The following ZFPM2 variants were observed in gnomAD, a reference collection of about 807,000 sequenced individuals.
ZFPM2 encodes the protein zinc finger protein ZFPM2.
In ZFPM2, 20 loss-of-function variants were observed where a neutral mutation model predicts 98.6. The ratio of observed to expected loss-of-function variants is 0.20; its 90% CI spans 0.14 to 0.29. The LOEUF is 0.29. ZFPM2 is among the 10% of genes least tolerant of loss of function. The pLI is 1.00. For synonymous variants in ZFPM2, 518 were observed against 502.7 expected (o/e 1.03, Z -0.41); for missense variants, 1,310 against 1,388.6 (o/e 0.94, Z 0.90).
At chr8:105,363,068 A>G (rs1472758905) in intron 1 of ZFPM2, among the ~76,000 whole-genome samples, 1 of 152,140 alleles carries the variant, frequency 6.6e-6, no homozygotes, top group African/African-American at 2.4e-5. Context: ...TCAAGAATGA[A>G]CGTGTATCCC....
chr8:105,729,615 A>C (rs1233974083), intron 5 of ZFPM2, among the ~76,000 whole-genome samples: 3 of 151,676 alleles, frequency 2.0e-5, no homozygotes, highest in Non-Finnish European at 4.4e-5. Flanking sequence ...CATTGCAAAC[A>C]AATCTTTTGA....
chr8:105,594,732 C>T (rs1815931605), intron 4 of ZFPM2, among the ~76,000 whole-genome samples: 1 of 152,082 alleles, frequency 6.6e-6, no homozygotes, highest in Non-Finnish European at 1.5e-5. Context: ...TATACTACCT[C>T]CCTACAGTTC....
intron 7 of ZFPM2, among the ~76,000 whole-genome samples, chr8:105,799,752 G>C (rs1272050573): frequency 6.6e-6 from 1 of 152,152 alleles, no homozygotes; most frequent in East Asian, 1.9e-4. Flanking sequence ...TAGGGACTGA[G>C]AATCATAGTT....
chr8:105,762,623 G>A (rs1445043519), intron 5 of ZFPM2, among the ~76,000 whole-genome samples: 1 of 151,872 alleles, frequency 6.6e-6, no homozygotes, highest in South Asian at 2.1e-4. Flanking sequence ...TTCTATTCAG[G>A]AGTGTCGTTC....
At position 105,368,448 on chromosome 8, in the gene ZFPM2, C is replaced by G. The variant is rs1259201595; in HGVS notation, c.40+49467C>G. 3.9e-5 allele frequency among the ~76,000 whole-genome samples: 6 copies of G among 151,942 alleles called. No individual in the cohort carries two copies. In the East Asian group the frequency reaches 1.2e-3, roughly 29 times the overall value. Reference sequence around the variant, plus strand: ...TCTTTGTACTCTTTCCACTTTGAGCCCAATCAGACTGAATTAGCTGTCATA... The same window carrying G: ...TCTTTGTACTCTTTCCACTTTGAGCGCAATCAGACTGAATTAGCTGTCATA... On this transcript the variant is annotated intron_variant, in intron 1 of 7. Transcript: ENST00000407775.
chr8:105,792,707 C>T (rs1039596270), intron 6 of ZFPM2, among the ~76,000 whole-genome samples: 13 of 152,048 alleles, frequency 8.5e-5, no homozygotes, highest in South Asian at 4.1e-4. Flanking sequence ...CCATTATTAA[C>T]GTGTGGGAGT....
chr8:105,580,377 CAATATT>C (rs1407131574), intron 4 of ZFPM2, among the ~76,000 whole-genome samples: 4 of 152,212 alleles, frequency 2.6e-5, no homozygotes, highest in Middle Eastern at 3.4e-3. Flanking sequence ...TTTCTACTGA[CAATATT>C]AATTTTTATT....
chr8:105,411,331 CA>C (rs1263208678), intron 1 of ZFPM2, among the ~76,000 whole-genome samples: 2 of 151,704 alleles, frequency 1.3e-5, no homozygotes, highest in Non-Finnish European at 2.9e-5. Flanking sequence ...ACCCTGCCAC[CA>C]GTCTCATATC....
chr8:105,770,205 C>T (rs2131089270), intron 5 of ZFPM2, among the ~76,000 whole-genome samples: 1 of 152,064 alleles, frequency 6.6e-6, no homozygotes, highest in African/African-American at 2.4e-5. Flanking sequence ...CTTAGCTTAT[C>T]CTAGGTGTCA....
chr8:105,338,888 A>C (rs1240550616), intron 1 of ZFPM2, among the ~76,000 whole-genome samples: 4 of 151,860 alleles, frequency 2.6e-5, no homozygotes, highest in Non-Finnish European at 4.4e-5. Flanking sequence ...TTATTCACAA[A>C]TTAAAGAAAC....
At chr8:105,518,381 GTTTA>G (rs1353055138) in intron 3 of ZFPM2, among the ~76,000 whole-genome samples, 2 of 152,158 alleles carry the variant, frequency 1.3e-5, no homozygotes, top group African/African-American at 2.4e-5. Context: ...TCATGGTACA[GTTTA>G]TTTATTCAAA....
chr8:105,426,471 C>A (rs1586363963), intron 2 of ZFPM2, among the ~76,000 whole-genome samples: 1 of 152,228 alleles, frequency 6.6e-6, no homozygotes, highest in African/African-American at 2.4e-5. Context: ...CCTCCCTTCC[C>A]TTCTCCGCCA....
intron 3 of ZFPM2, among the ~76,000 whole-genome samples, chr8:105,461,335 C>T (rs567436620): frequency 3.3e-4 from 50 of 151,934 alleles, no homozygotes; most frequent in Non-Finnish European, 5.7e-4. Context: ...TATATTTAAC[C>T]GTTATAAAAA....
chr8:105,349,835 G>T (rs1452686160), intron 1 of ZFPM2, among the ~76,000 whole-genome samples: 1 of 152,040 alleles, frequency 6.6e-6, no homozygotes, highest in Non-Finnish European at 1.5e-5. Flanking sequence ...ATTTCATTGT[G>T]ATTATAACTG....
chr8:105,487,273 A>G (rs1466950876), intron 3 of ZFPM2, among the ~76,000 whole-genome samples: 2 of 152,058 alleles, frequency 1.3e-5, no homozygotes, highest in Non-Finnish European at 2.9e-5. Context: ...GTGCACCACC[A>G]TGCCCGGCTG....
At chr8:105,751,103 G>A (rs183869313) in intron 5 of ZFPM2, among the ~76,000 whole-genome samples, 1,695 of 151,978 alleles carry the variant, frequency 0.011, 9 homozygotes, top group Non-Finnish European at 0.017. Context: ...ATGTGAAGAG[G>A]AAAAATATTT....
chr8:105,738,883 A>C lies in ZFPM2; in HGVS notation c.533-49835A>C, dbSNP rs193249610. Among the ~76,000 whole-genome samples, 280 of 152,206 alleles carry C rather than the reference A, an allele frequency of 1.8e-3. 2 individuals carry two copies. The highest frequency in any genetic ancestry group is 1.6e-3 in the Non-Finnish European group (110 of 67,976). ...AAATAAAAAGTAAACTAGATGCTAA[A>C]AAAGGTCATGTATTTTAGTCTAATG... On this transcript the variant is annotated intron_variant, in intron 5 of 7. Transcript: ENST00000407775.
intron 5 of ZFPM2, among the ~76,000 whole-genome samples, chr8:105,687,809 G>T (rs181242361): frequency 2.6e-5 from 4 of 152,012 alleles, no homozygotes; most frequent in African/African-American, 4.8e-5. Flanking sequence ...CATAAAGGAC[G>T]TGGCATGGGA....
At chr8:105,457,453 G>A (rs1311742208) in intron 3 of ZFPM2, among the ~76,000 whole-genome samples, 1 of 152,174 alleles carries the variant, frequency 6.6e-6, no homozygotes, top group Non-Finnish European at 1.5e-5. Flanking sequence ...CGATGACTTA[G>A]TCTACCTTCA....
Sources: allele counts gnomAD v4.1 joint callset (sites outside exome capture counted in the v4.1 genomes callset), GRCh38; gene constraint gnomAD v4.1.1; transcripts MANE v1.5; gene names NCBI Gene and HGNC (gene_info 2026-07-23, HGNC 2026-07-21).